MRNIP: variants seen among roughly 807,000 people sequenced by gnomAD.
MRNIP encodes the protein MRN complex-interacting protein.
MRNIP carries 30 observed loss-of-function variants against 29.8 expected under a neutral mutation model. The ratio of observed to expected loss-of-function variants is 1.01; its 90% confidence interval spans 0.75 to 1.36. The LOEUF (loss-of-function observed/expected upper bound fraction) is 1.36. Among genes scored for constraint, MRNIP ranks in the 40% most tolerant of loss-of-function variants. The pLI is 0.00. For synonymous variants in MRNIP, 201 were observed against 164.1 expected, an observed-to-expected ratio of 1.23 and a Z score of -1.72; for missense variants, 459 against 423.5, an observed-to-expected ratio of 1.08 and a Z score of -0.74.
chr5:179,837,346 CCCT>C lies in MRNIP; in HGVS notation c.*42_*44del. 2 of 1,583,442 alleles carry C rather than the reference CCCT, an allele frequency of 1.3e-6. No homozygotes were observed. The highest frequency in any genetic ancestry group is 1.7e-6 in the Non-Finnish European group (2 of 1,164,546). ...TAAAAGTGCCTTAGGGGAACCCTGT[CCCT>C]CCTAACAAGTGTATCTCGATTAATA... On this transcript the variant is annotated 3_prime_UTR_variant, in exon 7 of 7. Transcript: ENST00000292586.
chr5:179,843,075 GAGGGAGGC>G (rs1420127599), intron 4 of MRNIP, among the ~76,000 whole-genome samples: 7 of 129,670 alleles, frequency 5.4e-5, no homozygotes, highest in East Asian at 5.3e-4. Flanking sequence ...GGGAGGGAGG[GAGGGAGGC>G]AGGCAAGCAG....
chr5:179,841,212 G>A, intron 5 of MRNIP: 1 of 506,316 alleles, frequency 2.0e-6, no homozygotes. Context: ...ATGGCTCACT[G>A]CCGCCTTGAC....
chr5:179,853,528 C>A, intron 1 of MRNIP, 91 bp from the exon 2 acceptor site: 1 of 1,031,032 alleles, frequency 9.7e-7, no homozygotes, highest in East Asian at 2.5e-5. Context: ...TGTAATCCCC[C>A]TTTGGGAGGC....
Position 179,837,781 on chromosome 5 carries a change from C to T in MRNIP, c.642G>A (p.Glu214=), listed in dbSNP as rs926131737. 29 of 1,614,108 alleles carry T rather than the reference C, an allele frequency of 1.8e-5. No individual in the cohort carries two copies. The highest frequency in any genetic ancestry group is 5.0e-5 in the Admixed American group (3 of 60,012). Residue 214 remains glutamate, a synonymous_variant, in exon 7 of 7, where the codon GAG becomes GAA. Transcript: ENST00000292586. ...TAACCTGCTGGATGGGACTCCATAG[C>T]TCCTTCCCAGGACCCCTCAGCTCCC... ...SAGELRGPGK[E]LWSPIQQVTA... is the part of the protein sequence containing the mutation.
chr5:179,852,816 C>A (rs1055737175), intron 2 of MRNIP, among the ~76,000 whole-genome samples: 2 of 152,250 alleles, frequency 1.3e-5, no homozygotes, highest in East Asian at 1.9e-4. Context: ...TCAGGAGGGG[C>A]AATACGGATG....
chr5:179,855,687 G>A (rs1390780619), intron 1 of MRNIP, among the ~76,000 whole-genome samples: 2 of 152,152 alleles, frequency 1.3e-5, no homozygotes, highest in Non-Finnish European at 2.9e-5. Flanking sequence ...CCACAAAGAT[G>A]TCTAGGTTGA....
At chr5:179,848,725 C>T (rs560571448) in intron 2 of MRNIP, among the ~76,000 whole-genome samples, 24 of 152,202 alleles carry the variant, frequency 1.6e-4, no homozygotes, top group Non-Finnish European at 3.2e-4. Context: ...TACCGTTTTA[C>T]ATAAGGTGTT....
chr5:179,857,903 C>T (rs1046540145), intron 1 of MRNIP, among the ~76,000 whole-genome samples: 2 of 151,062 alleles, frequency 1.3e-5, no homozygotes, highest in African/African-American at 4.9e-5. Context: ...TCCAGCTACT[C>T]GGGAGGCTGA....
At chr5:179,857,754 T>C (rs1263390331) in intron 1 of MRNIP, among the ~76,000 whole-genome samples, 1 of 152,204 alleles carries the variant, frequency 6.6e-6, no homozygotes, top group African/African-American at 2.4e-5. Flanking sequence ...GGCTCTCGCC[T>C]GTAATCCCAG....
chr5:179,851,163 TAAG>T, intron 2 of MRNIP: 1 of 451,586 alleles, frequency 2.2e-6, no homozygotes. Context: ...TTGAGGGGAG[TAAG>T]AAGGCTTCCT....
chr5:179,841,882 G>C (rs369523931), intron 5 of MRNIP, 25 bp downstream of exon 5: 3 of 1,610,940 alleles, frequency 1.9e-6, no homozygotes, highest in Non-Finnish European at 2.5e-6. Context: ...CTGGGCCAGG[G>C]CTGGAACGGA....
chr5:179,842,986 T>C (rs57713691), intron 4 of MRNIP, among the ~76,000 whole-genome samples: 1,706 of 139,804 alleles, frequency 0.012, 29 homozygotes, highest in African/African-American at 0.043. Context: ...TGAGCTGAGA[T>C]CACGCCACTG....
rs1561612192 is a variant in MRNIP at position 179,837,681 on chromosome 5, T to C, written c.742A>G (p.Arg248Gly). The C allele has an allele frequency of 1.9e-6, 3 of 1,614,124 alleles. No individual in the cohort carries two copies. The highest frequency in any genetic ancestry group is 1.1e-5 in the South Asian group (1 of 91,090). Residue 248 changes from arginine to glycine, a missense_variant, in exon 7 of 7, where the codon AGG (arginine) becomes GGG (glycine). Transcript: ENST00000292586. ...KSSHVDSEQPRSLQRDPRPAG... is the reference protein window; with the variant it reads ...KSSHVDSEQPGSLQRDPRPAG... ...GGCCTGGGGTCCCTCTGAAGAGACCTTGGCTGCTCACTGTCCACATGTGAA... is the reference window on the plus strand; with the variant it reads ...GGCCTGGGGTCCCTCTGAAGAGACCCTGGCTGCTCACTGTCCACATGTGAA...
chr5:179,845,557 C>T (rs989586051), intron 3 of MRNIP, among the ~76,000 whole-genome samples: 26 of 151,184 alleles, frequency 1.7e-4, no homozygotes, highest in South Asian at 2.1e-4. Context: ...GCCTGGGAGG[C>T]GGAGGTTGGC....
chr5:179,856,208 GA>G (rs1206881374), intron 1 of MRNIP, among the ~76,000 whole-genome samples: 1 of 151,848 alleles, frequency 6.6e-6, no homozygotes, highest in Non-Finnish European at 1.5e-5. Context: ...ACCCGGCCAA[GA>G]AAAGCCTTTT....
chr5:179,852,855 G>A (rs1402342910), intron 2 of MRNIP, among the ~76,000 whole-genome samples: 1 of 152,184 alleles, frequency 6.6e-6, no homozygotes, highest in Non-Finnish European at 1.5e-5. Flanking sequence ...AATGCCAGCT[G>A]CAAACAGCTG....
chr5:179,837,564 G>A lies in MRNIP; in HGVS notation c.859C>T (p.Arg287Trp), dbSNP rs540010749. Residue 287 changes from arginine (R) to tryptophan (W), a missense_variant, in exon 7 of 7, where the codon CGG becomes TGG. Transcript: ENST00000292586. The part of the protein sequence containing the change: ...SRPTAAVQLP[R>W]ATHPVTSGSE... ...CCAGATGTGACGGGGTGTGTGGCCC[G>A]AGGAAGCTGGACAGCGGCAGTGGGC... The A allele has an allele frequency of 4.5e-5, 72 of 1,614,066 alleles. No homozygotes were observed. Among genetic ancestry groups the A allele is most frequent in the East Asian group, 3.1e-4 (14 of 44,896 alleles).
chr5:179,839,503 A>G (rs981214569), intron 6 of MRNIP: 1 of 152,246 alleles, frequency 6.6e-6, no homozygotes, highest in African/African-American at 2.4e-5. Flanking sequence ...TACCATTACA[A>G]CATGCAGCCC....
intron 3 of MRNIP, among the ~76,000 whole-genome samples, chr5:179,846,803 C>G (rs1337504528): frequency 6.6e-6 from 1 of 152,176 alleles, no homozygotes; most frequent in Admixed American, 6.5e-5. Context: ...TACAGGCAAG[C>G]TGCCTGTTGC....
Sources: allele counts gnomAD v4.1 joint callset (sites outside exome capture counted in the v4.1 genomes callset), GRCh38; gene constraint gnomAD v4.1.1; transcripts MANE v1.5; gene names NCBI Gene and HGNC (gene_info 2026-07-23, HGNC 2026-07-21).